Variants in SYNPR observed in about 807,000 individuals in gnomAD.
SYNPR encodes the protein synaptoporin.
Under a neutral mutation model 32.9 loss-of-function variants are expected in SYNPR, and 23 were observed. The observed-to-expected ratio is 0.70, with a 90% CI of 0.50 to 0.99. SYNPR has a LOEUF of 0.99. Among genes scored for constraint, SYNPR ranks in the 50% least tolerant of loss-of-function variants. SYNPR has a pLI of 0.00. For synonymous variants in SYNPR, 146 were observed against 135.9 expected (o/e 1.07, Z -0.52); for missense variants, 318 against 349.3 (o/e 0.91, Z 0.71).
At chr3:63,567,896 C>A (rs1702819605) in intron 4 of SYNPR, among the ~76,000 whole-genome samples, 2 of 152,288 alleles carry the variant, frequency 1.3e-5, no homozygotes, top group South Asian at 2.1e-4. Flanking sequence ...ATCTAAGAAA[C>A]ATCTAATCAA....
intron 3 of SYNPR, among the ~76,000 whole-genome samples, chr3:63,508,590 T>C (rs894629897): frequency 6.6e-6 from 1 of 152,102 alleles, no homozygotes; most frequent in Non-Finnish European, 1.5e-5. Flanking sequence ...AACTCAACCA[T>C]CAGAGCAGAA....
intron 2 of SYNPR, among the ~76,000 whole-genome samples, chr3:63,365,307 G>A (rs951637188): frequency 6.6e-6 from 1 of 152,164 alleles, no homozygotes; most frequent in Non-Finnish European, 1.5e-5. Flanking sequence ...AGGTATTTAA[G>A]TGGGGTTCTA....
intron 4 of SYNPR, among the ~76,000 whole-genome samples, chr3:63,567,799 G>C (rs973277502): frequency 6.6e-6 from 1 of 152,240 alleles, no homozygotes; most frequent in Non-Finnish European, 1.5e-5. Context: ...AAACACTTGA[G>C]TGATTGGCCA....
At chr3:63,293,966 G>A (rs1050226425) in intron 2 of SYNPR, among the ~76,000 whole-genome samples, 6 of 152,118 alleles carry the variant, frequency 3.9e-5, no homozygotes, top group African/African-American at 1.4e-4. Flanking sequence ...ACCCAATTTA[G>A]CCCCTAACAA....
chr3:63,277,761 C>T (rs1486057693), upstream of SYNPR, among the ~76,000 whole-genome samples: 1 of 152,062 alleles, frequency 6.6e-6, no homozygotes, highest in African/African-American at 2.4e-5. Context: ...GGCCCCTGTG[C>T]TCTGCTCTGC....
chr3:63,324,089 T>C (rs888629661), intron 2 of SYNPR, among the ~76,000 whole-genome samples: 1 of 152,146 alleles, frequency 6.6e-6, no homozygotes, highest in Non-Finnish European at 1.5e-5. Flanking sequence ...GAAAATTTAA[T>C]TGCAATTATT....
At chr3:63,501,494 C>CAAAAAAAAAAAAAA (rs377290258) in intron 3 of SYNPR, among the ~76,000 whole-genome samples, 1 of 96,738 alleles carries the variant, frequency 1.0e-5, no homozygotes, top group African/African-American at 3.9e-5. Context: ...CTCCCCCAAC[C>CAAAAAAAAAAAAAA]AAAAAAAAAA....
chr3:63,589,127 T>C (rs763630105), intron 4 of SYNPR, among the ~76,000 whole-genome samples: 10 of 152,028 alleles, frequency 6.6e-5, no homozygotes, highest in Admixed American at 2.6e-4. Context: ...GATAAGCCAT[T>C]TTGTGTTGTA....
In SYNPR at chr3:63,532,542, G is replaced by A. The variant is rs533034319; in HGVS notation, c.210-24001G>A. On this transcript the variant is annotated intron_variant, in intron 3 of 5. Transcript: ENST00000478300. Reference sequence around the variant, plus strand: ...GAACATAAAATGAGTATCTGTTTTCGAGGCAGCTGAGAACAAGCTGCAGGC... The same window carrying A: ...GAACATAAAATGAGTATCTGTTTTCAAGGCAGCTGAGAACAAGCTGCAGGC... Among the ~76,000 whole-genome samples the A allele has an allele frequency of 3.3e-5, 5 of 152,300 alleles. No individual in the cohort carries two copies. The South Asian group carries it at 8.3e-4, about 25-fold the overall frequency.
chr3:63,572,606 A>G (rs758506884), intron 4 of SYNPR, among the ~76,000 whole-genome samples: 21 of 152,312 alleles, frequency 1.4e-4, no homozygotes, highest in South Asian at 6.2e-4. Context: ...GTTTAGAAGT[A>G]TAGAATCTTT....
At chr3:63,267,833 G>A (rs185647599) in intron 3 of SYNPR, among the ~76,000 whole-genome samples, 8 of 152,218 alleles carry the variant, frequency 5.3e-5, no homozygotes, top group African/African-American at 1.7e-4. Flanking sequence ...GTAATCAAGA[G>A]TCATGCCTGA....
At chr3:63,479,445 T>TGCGC (rs10647350) in intron 2 of SYNPR, among the ~76,000 whole-genome samples, 14 of 97,988 alleles carry the variant, frequency 1.4e-4, no homozygotes, top group Admixed American at 3.4e-4. Flanking sequence ...GCCACACACA[T>TGCGC]GCACACACAC....
intron 4 of SYNPR, among the ~76,000 whole-genome samples, chr3:63,559,488 A>T (rs1702648423): frequency 6.6e-6 from 1 of 152,202 alleles, no homozygotes; most frequent in South Asian, 2.1e-4. Flanking sequence ...TTTAAAAATT[A>T]TTTTAGGGAG....
In SYNPR at chr3:63,519,649, A is replaced by G. The variant is rs528163559; in HGVS notation, c.210-36894A>G. ...ATCACACTTGACAGATTATTTCCCA[A>G]CTGCATCATAGCGGTTTTTGGTTTG... On this transcript the variant is annotated intron_variant, in intron 3 of 5. Transcript: ENST00000478300. 1.1e-4 allele frequency among the ~76,000 whole-genome samples: 16 copies of G among 152,222 alleles called. No homozygotes were observed. In the South Asian group the frequency reaches 2.9e-3, roughly 28 times the overall value.
intron 2 of SYNPR, among the ~76,000 whole-genome samples, chr3:63,458,968 A>G (rs1015059767): frequency 6.6e-5 from 10 of 152,034 alleles, no homozygotes; most frequent in African/African-American, 2.4e-4. Context: ...ACCAAATGCT[A>G]TAAGAATCCT....
intron 4 of SYNPR, among the ~76,000 whole-genome samples, chr3:63,572,353 T>C (rs527809486): frequency 1.3e-5 from 2 of 152,274 alleles, no homozygotes; most frequent in South Asian, 4.1e-4. Context: ...ACTATCTCTT[T>C]TGCTATGAGA....
Position 63,263,246 on chromosome 3 carries a change from A to G in SYNPR, n.155-4071A>G, listed in dbSNP as rs1050530931. 6.6e-5 allele frequency among the ~76,000 whole-genome samples: 10 copies of G among 152,240 alleles called. 1 individual carries two copies. In the East Asian group the frequency reaches 1.7e-3, roughly 26 times the overall value. ...TTGGAAAACACTGTATGAGCCAAGC[A>G]AAATACATCTGTCAGCCACTTGGAC... On this transcript the variant is annotated intron_variant and non_coding_transcript_variant, in intron 2 of 4. Coordinates refer to the SYNPR transcript ENST00000478456.
At chr3:63,228,688 CAAAG>C (rs1487429117) in intron 1 of SYNPR, among the ~76,000 whole-genome samples, 1 of 151,758 alleles carries the variant, frequency 6.6e-6, no homozygotes, top group African/African-American at 2.4e-5. Context: ...TTTTAAAGAA[CAAAG>C]AAAGAGAGAA....
intron 2 of SYNPR, among the ~76,000 whole-genome samples, chr3:63,441,136 T>C (rs1158259366): frequency 6.6e-6 from 1 of 152,202 alleles, no homozygotes; most frequent in East Asian, 1.9e-4. Context: ...ATAAGTTACT[T>C]AACTCTTTGG....
Sources: gnomAD v4.1 joint callset for allele counts (sites outside exome capture counted in the v4.1 genomes callset) on GRCh38, gnomAD v4.1.1 for gene constraint, MANE v1.5 for transcripts, NCBI Gene and HGNC (gene_info 2026-07-23, HGNC 2026-07-21) for gene names.